The following CCND3 variants were observed in gnomAD, a reference collection of about 807,000 sequenced individuals.
CCND3 encodes the protein cyclin D3, also known as G1/S-specific cyclin-D3.
In CCND3, 9 loss-of-function variants were observed where a neutral mutation model predicts 28.7. The ratio of observed to expected loss-of-function variants is 0.31; its 90% CI spans 0.19 to 0.55. CCND3 has a LOEUF of 0.55. Among genes scored for constraint, CCND3 ranks in the 20% least tolerant of loss-of-function variants. CCND3 has a pLI of 0.93. For missense variants in CCND3, 315 were observed against 385.8 expected (o/e 0.82, Z 1.54); for synonymous variants, 164 against 163.9 (o/e 1.00, Z 0.00).
chr6:41,994,089 C>T (rs1370069679), intron 1 of CCND3, among the ~76,000 whole-genome samples: 1 of 149,928 alleles, frequency 6.7e-6, no homozygotes, highest in Non-Finnish European at 1.5e-5. Flanking sequence ...AGTTTTCGGT[C>T]AACAATGGAC....
At chr6:42,031,696 T>TTG (rs1245450213) in intron 1 of CCND3, among the ~76,000 whole-genome samples, 3 of 152,046 alleles carry the variant, frequency 2.0e-5, no homozygotes, top group Non-Finnish European at 2.9e-5. Context: ...CTTCAAGTCT[T>TTG]TGTGTGTGTG....
rs3833667 is a variant in CCND3, at chr6:41,935,617, T to TGGG, written c.*320_*322dup. The TGGG allele has an allele frequency of 1.6e-5, 7 of 429,114 alleles. No homozygotes were observed. Among genetic ancestry groups the TGGG allele is most frequent in the African/African-American group, 1.0e-4 (5 of 49,410 alleles). 26.6% of individuals were successfully genotyped at this position (429,114 alleles called of 1,614,324 possible). On this transcript the variant is annotated 3_prime_UTR_variant, in exon 5 of 5. Coordinates refer to ENST00000372991, the MANE Select transcript of CCND3 (RefSeq NM_001760.5). Reference sequence around the variant, plus strand: ...TTGAAAACATGAGAGCCCCCAGGGGTGGGGGGGGGCGTTCAAAAGGAATGC... The same window carrying TGGG: ...TTGAAAACATGAGAGCCCCCAGGGGTGGGGGGGGGGGGCGTTCAAAAGGAATGC...
chr6:41,973,290 G>A (rs1582121503), intron 1 of CCND3, among the ~76,000 whole-genome samples: 1 of 152,114 alleles, frequency 6.6e-6, no homozygotes. Flanking sequence ...TGAAAGTTCA[G>A]CTCATCTGCC....
intron 1 of CCND3, among the ~76,000 whole-genome samples, chr6:41,962,201 A>T (rs1365235473): frequency 6.6e-6 from 1 of 152,076 alleles, no homozygotes; most frequent in African/African-American, 2.4e-5. Context: ...CCCAGGTTCA[A>T]GCGATTCTTC....
At chr6:42,002,315 G>A (rs1763034722) in intron 1 of CCND3, among the ~76,000 whole-genome samples, 1 of 151,732 alleles carries the variant, frequency 6.6e-6, no homozygotes. Context: ...GTGTGGTGGT[G>A]CATGCCTGTA....
chr6:42,036,306 T>TATATATATATA (rs1554168332), intron 1 of CCND3, among the ~76,000 whole-genome samples: 4 of 130,678 alleles, frequency 3.1e-5, no homozygotes, highest in Non-Finnish European at 4.8e-5. Flanking sequence ...AAATTATTAT[T>TATATATATATA]TATATATATA....
At chr6:41,940,731 G>C in intron 1 of CCND3, 146 bp from the exon 2 acceptor site, 1 of 746,686 alleles carries the variant, frequency 1.3e-6, no homozygotes, top group South Asian at 1.6e-5. Flanking sequence ...AATAAAGGAG[G>C]AGGATGCGCC....
chr6:41,970,164 C>A (rs965040743), intron 1 of CCND3, among the ~76,000 whole-genome samples: 3 of 151,990 alleles, frequency 2.0e-5, no homozygotes, highest in Admixed American at 6.6e-5. Flanking sequence ...CATGGTGAAA[C>A]CCCATCTCTA....
chr6:41,984,717 T>G (rs1332484767), intron 1 of CCND3, among the ~76,000 whole-genome samples: 2 of 152,180 alleles, frequency 1.3e-5, no homozygotes, highest in East Asian at 3.8e-4. Flanking sequence ...CTAATTTACA[T>G]TCCCACCAAC....
chr6:42,046,891 A>G (rs947040535), intron 1 of CCND3, among the ~76,000 whole-genome samples: 1 of 152,232 alleles, frequency 6.6e-6, no homozygotes, highest in African/African-American at 2.4e-5. Flanking sequence ...ATGGTTAAGA[A>G]TAAAGCCTCC....
intron 1 of CCND3, among the ~76,000 whole-genome samples, chr6:42,007,489 C>T (rs1244660034): frequency 6.6e-6 from 1 of 152,112 alleles, no homozygotes; most frequent in Non-Finnish European, 1.5e-5. Flanking sequence ...TAAAGACTGG[C>T]AGGAGGCGGA....
chr6:41,992,560 T>C (rs1345574211), intron 1 of CCND3, among the ~76,000 whole-genome samples: 3 of 149,046 alleles, frequency 2.0e-5, no homozygotes, highest in Non-Finnish European at 4.4e-5. Context: ...ACAATTCTCC[T>C]GCCTCAGCCT....
chr6:42,045,018 C>T (rs940488420), intron 1 of CCND3, among the ~76,000 whole-genome samples: 13 of 143,272 alleles, frequency 9.1e-5, no homozygotes, highest in Middle Eastern at 3.8e-3. Context: ...GTTGGTCAGG[C>T]TGGTCTCGAA....
chr6:41,987,501 C>G (rs1032386729), intron 1 of CCND3, among the ~76,000 whole-genome samples: 83 of 84,682 alleles, frequency 9.8e-4, no homozygotes, highest in South Asian at 1.3e-3. Flanking sequence ...CTCTCTCTCT[C>G]TCTCTCTCTC....
At chr6:42,045,352 G>C (rs896638537) in intron 1 of CCND3, among the ~76,000 whole-genome samples, 1 of 152,186 alleles carries the variant, frequency 6.6e-6, no homozygotes, top group African/African-American at 2.4e-5. Context: ...CTTTGAGCAA[G>C]TTTGCCTTTC....
intron 1 of CCND3, among the ~76,000 whole-genome samples, chr6:42,047,690 G>A (rs1764586680): frequency 6.6e-6 from 1 of 152,126 alleles, no homozygotes; most frequent in African/African-American, 2.4e-5. Context: ...TGGATTAAAG[G>A]GAGCAGGAAT....
At chr6:42,027,205 C>T (rs1201108022) in intron 1 of CCND3, among the ~76,000 whole-genome samples, 6 of 152,042 alleles carry the variant, frequency 3.9e-5, no homozygotes, top group South Asian at 2.1e-4. Context: ...TTTGGGAGGC[C>T]GAGACGGGCA....
rs575038141 is a variant in CCND3, at chr6:41,940,639, C to CG, written c.199-55dup. On this transcript the variant is annotated intron_variant, in intron 1 of 4. Coordinates refer to ENST00000372991, the MANE Select transcript of CCND3 (RefSeq NM_001760.5). ...GTCTGGAGCGTGGGGAACACAGCAG[C>CG]GGGGGGGTGGGAGCGCTGAAGTGAG... 1.3e-3 allele frequency: 1,361 copies of CG among 1,084,364 alleles called. 12 individuals are homozygous for CG. The African/African-American group carries it at 0.018, about 14-fold the overall frequency. 67.2% of individuals were successfully genotyped at this position (1,084,364 alleles called of 1,614,324 possible). A position where few individuals can be genotyped will look rare whatever the true frequency, so the allele number is the denominator to read the frequency against.
chr6:41,960,042 T>C (rs1285394162), intron 1 of CCND3, among the ~76,000 whole-genome samples: 2 of 152,120 alleles, frequency 1.3e-5, no homozygotes, highest in Non-Finnish European at 2.9e-5. Flanking sequence ...TGGAATATCA[T>C]TTAGCCATAA....
Sources: gnomAD v4.1 joint callset for allele counts (sites outside exome capture counted in the v4.1 genomes callset) on GRCh38, gnomAD v4.1.1 for gene constraint, MANE v1.5 for transcripts, NCBI Gene and HGNC (gene_info 2026-07-23, HGNC 2026-07-21) for gene names.